The following PUDP variants were observed in gnomAD, a reference collection of about 807,000 sequenced individuals.
The protein encoded by PUDP is pseudouridine-5'-phosphatase.
PUDP carries 8 observed loss-of-function variants against 9.4 expected under a neutral mutation model. The observed-to-expected ratio is 0.85, with a 90% CI of 0.50 to 1.53. PUDP has a LOEUF of 1.53. PUDP is among the 40% of genes most tolerant of loss of function. The pLI is 0.00. For synonymous variants in PUDP, 99 were observed against 80.7 expected, an observed-to-expected ratio of 1.23 and a Z score of -1.22; for missense variants, 188 against 189.7, an observed-to-expected ratio of 0.99 and a Z score of 0.05.
chrX:7,088,704 T>C (rs1448843123), intron 2 of PUDP, among the ~76,000 whole-genome samples: 1 of 112,328 alleles, frequency 8.9e-6, no homozygotes, highest in Admixed American at 9.5e-5. Flanking sequence ...CTGTAACAAT[T>C]TACATACAAA....
At chrX:7,093,163 C>A (rs759753148) in intron 2 of PUDP, among the ~76,000 whole-genome samples, 3 of 111,466 alleles carry the variant, frequency 2.7e-5, no homozygotes, top group South Asian at 7.6e-4. Context: ...AAACCTCCAT[C>A]CCCCTCCCCC....
chrX:6,895,057 G>A (rs1927569095), intron 3 of PUDP, among the ~76,000 whole-genome samples: 1 of 110,538 alleles, frequency 9.0e-6, no homozygotes, highest in Admixed American at 9.8e-5. Context: ...GGTGCAAAGA[G>A]AGAAAGTGCA....
At chrX:7,023,602 A>C (rs755190784) in intron 1 of PUDP, among the ~76,000 whole-genome samples, 24 of 112,056 alleles carry the variant, frequency 2.1e-4, no homozygotes, top group African/African-American at 7.8e-4. Context: ...TTCCAGCACC[A>C]TTTGCTGAAA....
intron 3 of PUDP, among the ~76,000 whole-genome samples, chrX:6,877,758 C>CA (rs1229933867): frequency 3.0e-4 from 34 of 111,718 alleles, no homozygotes; most frequent in Admixed American, 2.9e-3. Flanking sequence ...TCATGTACAG[C>CA]AAAATCTCTT....
intron 3 of PUDP, among the ~76,000 whole-genome samples, chrX:6,866,624 T>G (rs1927091074): frequency 9.0e-6 from 1 of 111,394 alleles, no homozygotes; most frequent in African/African-American, 3.3e-5. Flanking sequence ...AGGGCTGCAC[T>G]GCTGGTGCTG....
chrX:6,990,930 A>T (rs1929167467), intron 1 of PUDP, among the ~76,000 whole-genome samples: 1 of 112,467 alleles, frequency 8.9e-6, no homozygotes. Flanking sequence ...GTGACTCCAG[A>T]TGGAAAGTGC....
At chrX:7,087,732 T>C (rs1354308298) in intron 2 of PUDP, among the ~76,000 whole-genome samples, 2 of 112,452 alleles carry the variant, frequency 1.8e-5, no homozygotes, top group African/African-American at 6.5e-5. Flanking sequence ...AACTAACTCC[T>C]TTCAAATCTT....
chrX:7,045,031 C>CA (rs1929967338), downstream of PUDP, among the ~76,000 whole-genome samples: 1 of 112,119 alleles, frequency 8.9e-6, no homozygotes, highest in Non-Finnish European at 1.9e-5. Context: ...TGTGTCCCCC[C>CA]CCAAATCTCA....
At chrX:6,852,463 A>G (rs1473546498) in intron 3 of PUDP, among the ~76,000 whole-genome samples, 12 of 111,759 alleles carry the variant, frequency 1.1e-4, no homozygotes, top group Non-Finnish European at 1.9e-4. Context: ...TCACCAGGAA[A>G]AGGACAAAGC....
intron 3 of PUDP, among the ~76,000 whole-genome samples, chrX:7,053,889 T>G (rs1304779230): frequency 1.8e-5 from 2 of 111,874 alleles, no homozygotes; most frequent in Non-Finnish European, 3.8e-5. Flanking sequence ...ACACCAGCTC[T>G]TGGAGACCTT....
intron 3 of PUDP, among the ~76,000 whole-genome samples, chrX:6,888,877 C>T (rs1486217454): frequency 9.0e-6 from 1 of 110,978 alleles, no homozygotes; most frequent in African/African-American, 3.3e-5. Flanking sequence ...TTAAGAATGC[C>T]CCATCATTTC....
At chrX:6,710,000 G>A (rs1449419825) in intron 1 of PUDP, among the ~76,000 whole-genome samples, 1 of 111,333 alleles carries the variant, frequency 9.0e-6, no homozygotes, top group Non-Finnish European at 1.9e-5. Context: ...GTGGGCACCT[G>A]TAATCTCAGC....
intron 1 of PUDP, among the ~76,000 whole-genome samples, chrX:6,999,489 A>G (rs763157681): frequency 8.9e-6 from 1 of 112,302 alleles, no homozygotes; most frequent in East Asian, 2.8e-4. Flanking sequence ...TACATAAAAT[A>G]GTAATGAAAA....
intron 3 of PUDP, among the ~76,000 whole-genome samples, chrX:6,931,444 G>A (rs1287207273): frequency 9.0e-6 from 1 of 111,662 alleles, no homozygotes; most frequent in African/African-American, 3.3e-5. Flanking sequence ...CTAAAGCACT[G>A]GGATTATAGG....
intron 3 of PUDP, among the ~76,000 whole-genome samples, chrX:6,853,340 T>A (rs777188851): frequency 9.0e-6 from 1 of 111,160 alleles, no homozygotes; most frequent in Admixed American, 9.6e-5. Context: ...TTGGTGGGAA[T>A]TCCGGGCTCA....
chrX:7,076,828 T>C (rs923480359), intron 3 of PUDP, among the ~76,000 whole-genome samples: 1 of 112,375 alleles, frequency 8.9e-6, no homozygotes, highest in Admixed American at 9.4e-5. Flanking sequence ...TGAGTTTTAG[T>C]GATTTACATC....
chrX:6,901,563 C>T (rs1316070884), intron 3 of PUDP, among the ~76,000 whole-genome samples: 1 of 112,271 alleles, frequency 8.9e-6, no homozygotes, highest in African/African-American at 3.2e-5. Context: ...CGCAGCCTGA[C>T]CTGTCTCCTG....
intron 3 of PUDP, among the ~76,000 whole-genome samples, chrX:6,816,283 T>C (rs1161140998): frequency 6.6e-5 from 7 of 105,289 alleles, no homozygotes; most frequent in East Asian, 3.0e-4. Flanking sequence ...TATATATGTA[T>C]ATATACTATA....
chrX:6,735,206 GT>G (rs1288639767), intron 3 of PUDP, among the ~76,000 whole-genome samples: 1 of 111,647 alleles, frequency 9.0e-6, no homozygotes, highest in Non-Finnish European at 1.9e-5. Flanking sequence ...GGGCAGGCTG[GT>G]TTCTTTTTAA....
Sources: allele counts gnomAD v4.1 joint callset (sites outside exome capture counted in the v4.1 genomes callset), GRCh38; gene constraint gnomAD v4.1.1; transcripts MANE v1.5; gene names NCBI Gene and HGNC (gene_info 2026-07-23, HGNC 2026-07-21).